The following PPFIBP2 variants were observed in gnomAD, a reference collection of about 807,000 sequenced individuals.
PPFIBP2 encodes PPFIB scaffold protein 2, also known as liprin-beta-2.
PPFIBP2 carries 118 observed loss-of-function variants against 118.3 expected under a neutral mutation model. The observed-to-expected ratio is 1.00, with a 90% CI of 0.86 to 1.16. The LOEUF is 1.16. PPFIBP2 is among the 50% of genes most tolerant of loss of function. The pLI, the probability that PPFIBP2 is intolerant of heterozygous loss-of-function variation, is 0.00. For missense variants in PPFIBP2, 1,195 were observed against 1,073.1 expected (o/e 1.11, Z -1.59); for synonymous variants, 414 against 397.4 (o/e 1.04, Z -0.50).
intron 2 of PPFIBP2, among the ~76,000 whole-genome samples, chr11:7,551,039 CTATAGA>C (rs1276912685): frequency 4.3e-5 from 6 of 140,268 alleles, no homozygotes; most frequent in African/African-American, 1.7e-4. Flanking sequence ...ATATCTATAT[CTATAGA>C]TATAGATATC....
At chr11:7,547,619 G>A (rs1852466619) in intron 1 of PPFIBP2, among the ~76,000 whole-genome samples, 1 of 152,200 alleles carries the variant, frequency 6.6e-6, no homozygotes, top group Admixed American at 6.5e-5. Context: ...TTTCCACACC[G>A]TATTCGCTCT....
intron 1 of PPFIBP2, among the ~76,000 whole-genome samples, chr11:7,540,390 C>A (rs1320244903): frequency 2.0e-5 from 3 of 151,988 alleles, no homozygotes; most frequent in African/African-American, 7.3e-5. Flanking sequence ...ATCTGGTGCC[C>A]AGTTGGATGT....
intron 10 of PPFIBP2, 113 bp downstream of exon 10, chr11:7,629,647 C>A: frequency 9.8e-7 from 1 of 1,020,954 alleles, no homozygotes; most frequent in Non-Finnish European, 1.5e-6. Flanking sequence ...AGAAGACTCC[C>A]TACTGGAGAA....
chr11:7,536,886 C>A (rs989972873), intron 1 of PPFIBP2, among the ~76,000 whole-genome samples: 1 of 151,920 alleles, frequency 6.6e-6, no homozygotes, highest in South Asian at 2.1e-4. Flanking sequence ...TCCACGTTGT[C>A]CAGAATAGGG....
intron 7 of PPFIBP2, 35 bp downstream of exon 7, chr11:7,621,062 T>C: frequency 6.6e-7 from 1 of 1,513,368 alleles, no homozygotes; most frequent in South Asian, 1.1e-5. Flanking sequence ...GGAGAGAGTA[T>C]GAGGGCCTTG....
At chr11:7,605,544 G>A (rs1215716073) in intron 5 of PPFIBP2, among the ~76,000 whole-genome samples, 1 of 152,200 alleles carries the variant, frequency 6.6e-6, no homozygotes, top group Non-Finnish European at 1.5e-5. Context: ...GTGGAGAGTG[G>A]AATCACGACA....
At chr11:7,658,920 T>G (rs1756208398), downstream of PPFIBP2, among the ~76,000 whole-genome samples, 2 of 109,264 alleles carry the variant, frequency 1.8e-5, no homozygotes, top group Non-Finnish European at 4.0e-5. Flanking sequence ...TTTTTTCATG[T>G]GTTTTTTGGC....
intron 3 of PPFIBP2, 71 bp from the exon 4 acceptor site, chr11:7,593,061 A>G: frequency 1.3e-6 from 2 of 1,581,976 alleles, no homozygotes; most frequent in South Asian, 2.3e-5. Flanking sequence ...TGCATCCCTT[A>G]TTTCATTTAG....
intron 1 of PPFIBP2, among the ~76,000 whole-genome samples, chr11:7,534,600 G>A (rs778792174): frequency 2.6e-5 from 4 of 152,148 alleles, no homozygotes; most frequent in African/African-American, 4.8e-5. Context: ...ATTGCCAACC[G>A]GGTCCTGTCA....
At chr11:7,541,125 C>A (rs1429663739) in intron 1 of PPFIBP2, among the ~76,000 whole-genome samples, 1 of 152,236 alleles carries the variant, frequency 6.6e-6, no homozygotes, top group African/African-American at 2.4e-5. Flanking sequence ...TGCATTCCAT[C>A]AGTTCCTCAA....
At chr11:7,628,191 C>T in intron 8 of PPFIBP2, 94 bp from the exon 9 acceptor site, 1 of 1,035,942 alleles carries the variant, frequency 9.7e-7, no homozygotes. Flanking sequence ...GTTCACATGG[C>T]AAGTCTTCAT....
intron 6 of PPFIBP2, among the ~76,000 whole-genome samples, chr11:7,611,133 G>A (rs1426591288): frequency 6.6e-6 from 1 of 152,168 alleles, no homozygotes; most frequent in Non-Finnish European, 1.5e-5. Context: ...AAGAAGATAG[G>A]TTTTAGGTTT....
chr11:7,645,155 C>T (rs889778741), intron 17 of PPFIBP2, among the ~76,000 whole-genome samples: 1 of 151,100 alleles, frequency 6.6e-6, no homozygotes, highest in Non-Finnish European at 1.5e-5. Context: ...GGTGTTAGGG[C>T]AGCTGTGGGG....
chr11:7,617,429 G>A (rs1350928502), intron 6 of PPFIBP2: 1 of 476,680 alleles, frequency 2.1e-6, no homozygotes, highest in Non-Finnish European at 2.7e-6. Context: ...GGCAGAGCTT[G>A]GACTCACTCA....
At chr11:7,632,371 G>A (rs1850881515) in intron 11 of PPFIBP2, 1 of 159,162 alleles carries the variant, frequency 6.3e-6, no homozygotes, top group South Asian at 1.8e-4. Flanking sequence ...GATGTGGGGA[G>A]TGCTTGCTCC....
intron 5 of PPFIBP2, among the ~76,000 whole-genome samples, chr11:7,602,008 G>A (rs949783443): frequency 2.0e-5 from 3 of 149,338 alleles, no homozygotes; most frequent in African/African-American, 7.5e-5. Flanking sequence ...CAGGAGAATC[G>A]CTGGAACCCG....
chr11:7,634,906 A>C (rs1002918914), intron 13 of PPFIBP2, among the ~76,000 whole-genome samples: 9 of 152,142 alleles, frequency 5.9e-5, no homozygotes, highest in African/African-American at 1.9e-4. Flanking sequence ...CTTGACTACT[A>C]GTCCTATATC....
At chr11:7,558,771 G>A (rs1317632581) in intron 2 of PPFIBP2, among the ~76,000 whole-genome samples, 14 of 151,070 alleles carry the variant, frequency 9.3e-5, no homozygotes, top group African/African-American at 2.7e-4. Flanking sequence ...AAAAAAGAAA[G>A]AAAAAAAGGC....
At chr11:7,623,464 G>A (rs986131100) in intron 7 of PPFIBP2, among the ~76,000 whole-genome samples, 6 of 152,222 alleles carry the variant, frequency 3.9e-5, no homozygotes, top group African/African-American at 1.2e-4. Context: ...CAACTGCGGA[G>A]ACAGAGATCG....
Sources: gnomAD v4.1 joint callset for allele counts (sites outside exome capture counted in the v4.1 genomes callset) on GRCh38, gnomAD v4.1.1 for gene constraint, MANE v1.5 for transcripts, NCBI Gene and HGNC (gene_info 2026-07-23, HGNC 2026-07-21) for gene names.